The following FAM107B variants were observed in gnomAD, a reference collection of about 807,000 sequenced individuals.
FAM107B encodes the protein protein FAM107B.
In FAM107B, 21 loss-of-function variants were observed where a neutral mutation model predicts 31.5. The observed-to-expected ratio is 0.67, with a 90% confidence interval of 0.47 to 0.96. The LOEUF (loss-of-function observed/expected upper bound fraction) is 0.96, where lower values mean the gene tolerates loss of function less well. Among genes scored for constraint, FAM107B ranks in the 40% least tolerant of loss-of-function variants. The probability of loss-of-function intolerance (pLI) is 0.00; values close to 1 mark genes in which losing one functional copy is unlikely to be tolerated. For missense variants in FAM107B, 452 were observed against 377.1 expected, an observed-to-expected ratio of 1.20 and a Z score of -1.64; for synonymous variants, 157 against 141.5, an observed-to-expected ratio of 1.11 and a Z score of -0.78.
At chr10:14,729,986 A>C (rs1856134909) in intron 1 of FAM107B, among the ~76,000 whole-genome samples, 1 of 152,228 alleles carries the variant, frequency 6.6e-6, no homozygotes, top group South Asian at 2.1e-4. Flanking sequence ...GGAGTTGAAC[A>C]ATGAGAACAC....
chr10:14,671,128 G>A (rs186922371), intron 1 of FAM107B, among the ~76,000 whole-genome samples: 55 of 152,126 alleles, frequency 3.6e-4, no homozygotes, highest in East Asian at 1.7e-3. Context: ...CCGTGAAACC[G>A]ACTCCTTCCC....
chr10:14,543,633 AAAGAAACAAAAAGC>A (rs1290818171), intron 2 of FAM107B, among the ~76,000 whole-genome samples: 1 of 152,024 alleles, frequency 6.6e-6, no homozygotes, highest in Non-Finnish European at 1.5e-5. Context: ...CTTCCAGAAA[AAAGAAACAAAAAGC>A]AGCCAATTCT....
At chr10:14,679,539 G>A (rs1303487706) in intron 1 of FAM107B, among the ~76,000 whole-genome samples, 1 of 152,178 alleles carries the variant, frequency 6.6e-6, no homozygotes, top group East Asian at 1.9e-4. Flanking sequence ...GAGATAGCGG[G>A]ACTATCATCT....
At chr10:14,685,116 TC>T (rs1166176955) in intron 1 of FAM107B, among the ~76,000 whole-genome samples, 5 of 150,420 alleles carry the variant, frequency 3.3e-5, no homozygotes, top group Non-Finnish European at 7.4e-5. Flanking sequence ...GTGTTAGTCG[TC>T]ACGCCCAGCC....
chr10:14,541,115 G>A (rs1014431549), intron 2 of FAM107B, among the ~76,000 whole-genome samples: 1 of 151,992 alleles, frequency 6.6e-6, no homozygotes, highest in Admixed American at 6.5e-5. Context: ...TTCCATAAAC[G>A]CATCTGAAAA....
At chr10:14,633,925 G>T (rs1340235910) in intron 2 of FAM107B, among the ~76,000 whole-genome samples, 1 of 152,194 alleles carries the variant, frequency 6.6e-6, no homozygotes, top group African/African-American at 2.4e-5. Context: ...GCTTAGGGAA[G>T]AGATAAAACC....
chr10:14,605,061 T>C (rs945716780), intron 2 of FAM107B, among the ~76,000 whole-genome samples: 3 of 152,200 alleles, frequency 2.0e-5, no homozygotes, highest in Non-Finnish European at 4.4e-5. Context: ...ATCCTGCCAG[T>C]TCCTCTTGGA....
At chr10:14,733,440 A>C (rs1483142424) in intron 1 of FAM107B, among the ~76,000 whole-genome samples, 1 of 152,204 alleles carries the variant, frequency 6.6e-6, no homozygotes, top group Non-Finnish European at 1.5e-5. Flanking sequence ...AGTAGAAATG[A>C]TATCCAGTAA....
chr10:14,619,577 C>G (rs12414209), intron 2 of FAM107B, among the ~76,000 whole-genome samples: 17,190 of 151,796 alleles, frequency 0.11, 1,260 homozygotes, highest in Admixed American at 0.26. Context: ...CATGTGTTTT[C>G]TAAATATTTC....
chr10:14,578,940 A>T (rs535497754), intron 2 of FAM107B, among the ~76,000 whole-genome samples: 3 of 152,198 alleles, frequency 2.0e-5, no homozygotes, highest in Non-Finnish European at 4.4e-5. Flanking sequence ...GTTTTCGTTC[A>T]AACGCAAGCT....
intron 2 of FAM107B, among the ~76,000 whole-genome samples, chr10:14,623,170 A>G (rs899991224): frequency 6.6e-6 from 1 of 152,162 alleles, no homozygotes; most frequent in Non-Finnish European, 1.5e-5. Flanking sequence ...TGTTGATTTA[A>G]TATTTAATTA....
intron 1 of FAM107B, among the ~76,000 whole-genome samples, chr10:14,768,698 T>C (rs1471558321): frequency 6.6e-6 from 1 of 152,214 alleles, no homozygotes; most frequent in Non-Finnish European, 1.5e-5. Context: ...TTTATCACAA[T>C]AAAATGAATC....
At chr10:14,537,543 A>G (rs1847746761) in intron 2 of FAM107B, among the ~76,000 whole-genome samples, 1 of 152,156 alleles carries the variant, frequency 6.6e-6, no homozygotes, top group African/African-American at 2.4e-5. Flanking sequence ...TGAAGAGTAA[A>G]TAAGAAATGC....
chr10:14,771,843 A>G (rs2601732), intron 1 of FAM107B, among the ~76,000 whole-genome samples: 1 of 151,908 alleles, frequency 6.6e-6, no homozygotes, highest in African/African-American at 2.4e-5. Flanking sequence ...AATGTGATTG[A>G]GTATCAAGCG....
rs1396308254 is a variant in FAM107B at position 14,730,658 on chromosome 10, C to T, written c.411+43595G>A. Among the ~76,000 whole-genome samples the T allele has an allele frequency of 3.3e-5, 5 of 152,158 alleles. No homozygotes were observed. The East Asian group carries it at 9.6e-4, about 29-fold the overall frequency. On this transcript the variant is annotated intron_variant, in intron 1 of 4. Coordinates refer to ENST00000181796, the MANE Select transcript of FAM107B (RefSeq NM_031453.4). ...TTCGTGTTTACAAAAATTTTTCTGG[C>T]AACAGGGCAGGAATGGATTATAGGT...
intron 2 of FAM107B, among the ~76,000 whole-genome samples, chr10:14,660,987 G>A (rs1474420464): frequency 6.6e-6 from 1 of 152,092 alleles, no homozygotes; most frequent in African/African-American, 2.4e-5. Context: ...CCCTGTTCTT[G>A]TGATAGTGAG....
chr10:14,528,849 AG>A (rs1458305677), intron 3 of FAM107B, among the ~76,000 whole-genome samples: 1 of 152,228 alleles, frequency 6.6e-6, no homozygotes, highest in Admixed American at 6.5e-5. Context: ...AATAATTCAT[AG>A]CCTATAATTT....
chr10:14,697,820 G>C (rs1433109597), intron 1 of FAM107B, among the ~76,000 whole-genome samples: 1 of 152,118 alleles, frequency 6.6e-6, no homozygotes, highest in African/African-American at 2.4e-5. Flanking sequence ...CTCAACTTTT[G>C]TTCTTGAAAT....
chr10:14,679,681 A>G (rs1854781373), intron 1 of FAM107B, among the ~76,000 whole-genome samples: 1 of 152,138 alleles, frequency 6.6e-6, no homozygotes, highest in Non-Finnish European at 1.5e-5. Context: ...TGTCAACTTG[A>G]TGGAATTGAA....
Sources: allele counts gnomAD v4.1 joint callset (sites outside exome capture counted in the v4.1 genomes callset), GRCh38; gene constraint gnomAD v4.1.1; transcripts MANE v1.5; gene names NCBI Gene and HGNC (gene_info 2026-07-23, HGNC 2026-07-21).